Variants in NRG1 observed in about 807,000 individuals in gnomAD.
The protein encoded by NRG1 is pro-neuregulin-1, membrane-bound isoform.
In NRG1, 18 loss-of-function variants were observed where a neutral mutation model predicts 63.8. The observed-to-expected ratio is 0.28, with a 90% CI of 0.19 to 0.42. NRG1 has a LOEUF of 0.42. Ranked by LOEUF, NRG1 falls within the 10% of genes least tolerant of loss-of-function variation. NRG1 has a pLI of 1.00. For synonymous variants in NRG1, 302 were observed against 301.3 expected (o/e 1.00, Z -0.02); for missense variants, 762 against 814.7 (o/e 0.94, Z 0.79).
chr8:32,131,595 T>G (rs1451649073), intron 1 of NRG1, among the ~76,000 whole-genome samples: 1 of 152,040 alleles, frequency 6.6e-6, no homozygotes, highest in African/African-American at 2.4e-5. Context: ...AATTATATTT[T>G]CACTTCTTCT....
chr8:31,777,300 C>A, intron 1 of NRG1, among the ~76,000 whole-genome samples: 1 of 152,340 alleles, frequency 6.6e-6, no homozygotes, highest in South Asian at 2.1e-4. Context: ...AAGAACTTTT[C>A]ATCTATTAAT....
At chr8:32,040,750 C>CATATATATATATATATATATATATAT (rs71208164) in intron 1 of NRG1, among the ~76,000 whole-genome samples, 3,750 of 48,478 alleles carry the variant, frequency 0.077, 682 homozygotes, top group Non-Finnish European at 0.12. Context: ...AATTTAGGCG[C>CATATATATATATATATATATATATAT]ATATATATAT....
chr8:32,317,111 T>C (rs1857490455), intron 1 of NRG1, among the ~76,000 whole-genome samples: 1 of 148,720 alleles, frequency 6.7e-6, no homozygotes, highest in Non-Finnish European at 1.5e-5. Flanking sequence ...GATGTATACG[T>C]TCTCTCCATG....
chr8:32,546,751 T>G (rs1275601778), upstream of NRG1, among the ~76,000 whole-genome samples: 1 of 152,218 alleles, frequency 6.6e-6, no homozygotes, highest in Non-Finnish European at 1.5e-5. Flanking sequence ...TAGGATATCT[T>G]TCCACAGTTA....
intron 1 of NRG1, among the ~76,000 whole-genome samples, chr8:32,008,929 C>T (rs2129871070): frequency 6.6e-6 from 1 of 152,160 alleles, no homozygotes; most frequent in Non-Finnish European, 1.5e-5. Context: ...ATCTCTCCTT[C>T]TTCACCCTTA....
At chr8:32,280,069 C>T (rs1386585529) in intron 1 of NRG1, among the ~76,000 whole-genome samples, 1 of 152,222 alleles carries the variant, frequency 6.6e-6, no homozygotes, top group East Asian at 1.9e-4. Flanking sequence ...CATTTACATG[C>T]AGTAGGTGCT....
intron 1 of NRG1, among the ~76,000 whole-genome samples, chr8:31,831,789 A>AT (rs1469530939): frequency 6.6e-6 from 1 of 152,138 alleles, no homozygotes; most frequent in East Asian, 1.9e-4. Flanking sequence ...CCCTATGGCT[A>AT]TGCCATTTTG....
chr8:31,816,236 G>T (rs932290346), intron 1 of NRG1, among the ~76,000 whole-genome samples: 7 of 152,086 alleles, frequency 4.6e-5, no homozygotes, highest in African/African-American at 1.7e-4. Context: ...CTCAACTGAG[G>T]CTGGGGATGT....
chr8:32,086,617 T>A (rs1295969909), intron 1 of NRG1, among the ~76,000 whole-genome samples: 1 of 152,244 alleles, frequency 6.6e-6, no homozygotes, highest in Non-Finnish European at 1.5e-5. Flanking sequence ...TTTTCTTGGG[T>A]CTGCATTTTT....
intron 1 of NRG1, among the ~76,000 whole-genome samples, chr8:31,900,220 T>G (rs1042422942): frequency 1.3e-5 from 2 of 152,172 alleles, no homozygotes; most frequent in African/African-American, 2.4e-5. Flanking sequence ...ACTTAAGTAA[T>G]TAACATTAAC....
chr8:32,506,730 T>C, intron 1 of NRG1, among the ~76,000 whole-genome samples: 1 of 151,852 alleles, frequency 6.6e-6, no homozygotes, highest in Non-Finnish European at 1.5e-5. Context: ...GGGGGATCTT[T>C]TTGACTGGGC....
chr8:31,647,958 G>C (rs1804444605), intron 1 of NRG1, among the ~76,000 whole-genome samples: 2 of 151,950 alleles, frequency 1.3e-5, no homozygotes, highest in Non-Finnish European at 2.9e-5. Context: ...GCAGTTCAGT[G>C]GCATTAAGTA....
At chr8:32,336,290 G>A (rs1435798333) in intron 1 of NRG1, among the ~76,000 whole-genome samples, 2 of 152,294 alleles carry the variant, frequency 1.3e-5, no homozygotes, top group South Asian at 2.1e-4. Flanking sequence ...AAATGACAAG[G>A]AAGATCATTT....
intron 1 of NRG1, among the ~76,000 whole-genome samples, chr8:32,502,828 T>C (rs151108385): frequency 3.3e-5 from 5 of 152,260 alleles, no homozygotes; most frequent in African/African-American, 1.2e-4. Context: ...TAAACAATCA[T>C]AAACTGTCAG....
intron 1 of NRG1, among the ~76,000 whole-genome samples, chr8:31,784,645 G>T (rs139483921): frequency 6.6e-6 from 1 of 152,176 alleles, no homozygotes; most frequent in East Asian, 1.9e-4. Context: ...AAAGAGCAGG[G>T]TTCTGGGGCT....
At chr8:32,710,391 A>G (rs1817518877) in intron 5 of NRG1, among the ~76,000 whole-genome samples, 3 of 152,218 alleles carry the variant, frequency 2.0e-5, no homozygotes, top group Admixed American at 6.5e-5. Context: ...ATTGCGGTCA[A>G]TCAGAGATCT....
chr8:32,675,255 T>G (rs928160860), intron 5 of NRG1, among the ~76,000 whole-genome samples: 6 of 152,242 alleles, frequency 3.9e-5, no homozygotes, highest in Non-Finnish European at 8.8e-5. Flanking sequence ...GCATCCATAC[T>G]GTTTCTTGTT....
At chr8:32,320,635 G>C (rs912678975) in intron 1 of NRG1, among the ~76,000 whole-genome samples, 1 of 152,096 alleles carries the variant, frequency 6.6e-6, no homozygotes, top group Admixed American at 6.5e-5. Context: ...AAAGCAAGGG[G>C]AAATCTGCCC....
chr8:31,848,295 G>A (rs187011960), intron 1 of NRG1, among the ~76,000 whole-genome samples: 6 of 152,080 alleles, frequency 3.9e-5, no homozygotes, highest in Admixed American at 2.6e-4. Flanking sequence ...AAATTAGGCC[G>A]GTATTTTGGA....
Sources: allele counts gnomAD v4.1 joint callset (sites outside exome capture counted in the v4.1 genomes callset), GRCh38; gene constraint gnomAD v4.1.1; transcripts MANE v1.5; gene names NCBI Gene and HGNC (gene_info 2026-07-23, HGNC 2026-07-21).